CA10: variants seen among roughly 807,000 people sequenced by gnomAD.
The protein encoded by CA10 is carbonic anhydrase-related protein 10.
Under a neutral mutation model 44.2 loss-of-function variants are expected in CA10, and 14 were observed. The ratio of observed to expected loss-of-function variants is 0.32; its 90% CI spans 0.21 to 0.50. The LOEUF is 0.50. CA10 is among the 20% of genes least tolerant of loss of function. The probability of loss-of-function intolerance (pLI) is 0.99; values close to 1 mark genes in which losing one functional copy is unlikely to be tolerated. For missense variants in CA10, 350 were observed against 409.7 expected (o/e 0.85, Z 1.26); for synonymous variants, 159 against 141.6 (o/e 1.12, Z -0.87).
Position 51,881,522 on chromosome 17 carries a change from C to G in CA10, c.279+49468G>C, listed in dbSNP as rs534351041. On this transcript the variant is annotated intron_variant, in intron 3 of 8. Transcript: ENST00000451037. ...ATAAAAAAGAAAAAATTTGCAACACCTAAAACATAAGAATGGTTAATATTC... is the reference window on the plus strand; with the variant it reads ...ATAAAAAAGAAAAAATTTGCAACACGTAAAACATAAGAATGGTTAATATTC... Among the ~76,000 whole-genome samples, 6 of 151,756 alleles carry G rather than the reference C, an allele frequency of 4.0e-5. No individual in the cohort carries two copies. In the East Asian group the frequency reaches 1.2e-3, roughly 29 times the overall value.
chr17:52,006,065 A>G (rs1985586883), intron 2 of CA10, among the ~76,000 whole-genome samples: 1 of 151,896 alleles, frequency 6.6e-6, no homozygotes, highest in Non-Finnish European at 1.5e-5. Context: ...TGAGATGGCC[A>G]AAGAGAGATG....
chr17:51,859,090 AATT>A (rs1268988016), intron 3 of CA10, among the ~76,000 whole-genome samples: 2 of 152,112 alleles, frequency 1.3e-5, no homozygotes, highest in African/African-American at 4.8e-5. Context: ...TAAGCTAGTT[AATT>A]ATAATTAGTT....
intron 3 of CA10, among the ~76,000 whole-genome samples, chr17:51,797,042 ATCTGCCAGCTGTT>A (rs1906736727): frequency 6.6e-6 from 1 of 151,800 alleles, no homozygotes; most frequent in Non-Finnish European, 1.5e-5. Context: ...GCCACAGACC[ATCTGCCAGCTGTT>A]TCTGCCAGAA....
chr17:51,666,718 A>G (rs1382831923), intron 4 of CA10, among the ~76,000 whole-genome samples: 1 of 152,238 alleles, frequency 6.6e-6, no homozygotes, highest in Non-Finnish European at 1.5e-5. Flanking sequence ...CTGAGTATTA[A>G]TATTTTAACT....
intron 2 of CA10, among the ~76,000 whole-genome samples, chr17:51,934,675 C>T (rs1982793585): frequency 1.3e-5 from 2 of 152,204 alleles, no homozygotes; most frequent in Non-Finnish European, 2.9e-5. Flanking sequence ...GTCCCATCTG[C>T]AGGCCTCTGA....
chr17:51,795,411 A>G (rs528236403), intron 3 of CA10, among the ~76,000 whole-genome samples: 1 of 152,012 alleles, frequency 6.6e-6, no homozygotes, highest in Admixed American at 6.5e-5. Flanking sequence ...ATTTTGGAAG[A>G]GCTTTTTAGC....
intron 3 of CA10, among the ~76,000 whole-genome samples, chr17:51,853,998 C>T (rs1232239543): frequency 6.6e-6 from 1 of 152,130 alleles, no homozygotes; most frequent in Non-Finnish European, 1.5e-5. Flanking sequence ...ATACATCTGG[C>T]CTTGGTGACC....
intron 1 of CA10, among the ~76,000 whole-genome samples, chr17:52,129,744 A>G (rs1485340764): frequency 1.3e-5 from 2 of 152,198 alleles, no homozygotes; most frequent in Non-Finnish European, 2.9e-5. Context: ...CTCTATCATC[A>G]TCTCAAGACT....
chr17:52,003,643 G>A (rs1051323142), intron 2 of CA10, among the ~76,000 whole-genome samples: 7 of 151,874 alleles, frequency 4.6e-5, no homozygotes, highest in African/African-American at 9.7e-5. Flanking sequence ...CAATGATACT[G>A]GAGTAGGAGA....
chr17:51,704,807 A>G (rs1410473679), intron 4 of CA10, among the ~76,000 whole-genome samples: 1 of 152,136 alleles, frequency 6.6e-6, no homozygotes, highest in African/African-American at 2.4e-5. Context: ...TGCTAAAAAT[A>G]CAAAAATTAG....
rs201244901 is a variant in CA10, at chr17:51,853,169, AAGAG to A, written c.279+77817_279+77820del. 3.7e-4 allele frequency among the ~76,000 whole-genome samples: 57 copies of A among 152,346 alleles called. No individual in the cohort carries two copies. In the East Asian group the frequency reaches 8.7e-3, roughly 23 times the overall value. On this transcript the variant is annotated intron_variant, in intron 3 of 8. Transcript: ENST00000451037. ...ATAAATTATATTTGTTGTTTAATAA[AAGAG>A]AGAATATTTTTAAAGTCCCAATGAT...
Position 52,157,783 on chromosome 17 carries a change from C to T in CA10, c.4G>A (p.Glu2Lys). ...AGAAAAAGCACCTCCCAGACTATTT[C>T]CATCCTCTGATTCTCATTCCAAGTG... The part of the protein sequence containing the change: M[E>K]IVWEVLFLLQ... The change falls in exon 1 of 9, where the codon GAA becomes AAA. Residue 2 changes from glutamate to lysine, a missense_variant. By Grantham distance (56) the Glu-to-Lys change is moderately conservative (BLOSUM62 1). Coordinates refer to ENST00000451037, the MANE Select transcript of CA10 (RefSeq NM_020178.5). The T allele has an allele frequency of 6.2e-7, 1 of 1,613,872 alleles. No homozygotes were observed. Among genetic ancestry groups the T allele is most frequent in the Non-Finnish European group, 8.5e-7 (1 of 1,179,762 alleles).
chr17:52,084,750 A>G (rs2143187008), intron 1 of CA10, among the ~76,000 whole-genome samples: 1 of 152,294 alleles, frequency 6.6e-6, no homozygotes, highest in Non-Finnish European at 1.5e-5. Flanking sequence ...CCCAATATTT[A>G]TTTCCCCTTC....
At chr17:51,816,844 G>A (rs1056987980) in intron 3 of CA10, among the ~76,000 whole-genome samples, 7 of 152,112 alleles carry the variant, frequency 4.6e-5, no homozygotes, top group African/African-American at 1.7e-4. Context: ...GAGGACCACG[G>A]CACAAAAATA....
Position 51,653,644 on chromosome 17 carries a change from T to C in CA10, c.558A>G (p.Ile186Met). ...PNGLVVVSIF[I>M]KVSDSSNPFL... ...TGAAGGAATGCAAGAGACTTACTTT[T>C]ATAAATATAGAAACTACCACCAATC... Residue 186 changes from isoleucine to methionine, a missense_variant, in exon 5 of 9, where the codon ATA becomes ATG. Physicochemically the swap from Ile to Met is conservative, Grantham distance 10. Coordinates refer to ENST00000451037, the MANE Select transcript of CA10 (RefSeq NM_020178.5). 8 of 1,531,064 alleles carry C rather than the reference T, an allele frequency of 5.2e-6. No individual in the cohort carries two copies. The highest frequency in any genetic ancestry group is 7.2e-6 in the Non-Finnish European group (8 of 1,104,228). 94.8% of individuals were successfully genotyped at this position (1,531,064 alleles called of 1,614,324 possible). A position where few individuals can be genotyped will look rare whatever the true frequency, so the allele number is the denominator to read the frequency against.
intron 2 of CA10, among the ~76,000 whole-genome samples, chr17:52,071,660 C>T (rs1175860049): frequency 6.6e-6 from 1 of 152,220 alleles, no homozygotes; most frequent in Admixed American, 6.5e-5. Context: ...TGTCACCTGC[C>T]TTCCCTTCTA....
chr17:51,835,618 G>A (rs1477357402), intron 3 of CA10, among the ~76,000 whole-genome samples: 2 of 152,182 alleles, frequency 1.3e-5, no homozygotes, highest in African/African-American at 4.8e-5. Flanking sequence ...CATTCACATT[G>A]TACCTCCTTG....
At chr17:51,993,026 T>C (rs919230824) in intron 2 of CA10, among the ~76,000 whole-genome samples, 1 of 152,136 alleles carries the variant, frequency 6.6e-6, no homozygotes, top group African/African-American at 2.4e-5. Context: ...CATACACTAA[T>C]TAAACATTTT....
At chr17:51,838,186 C>A (rs1978293401) in intron 3 of CA10, among the ~76,000 whole-genome samples, 1 of 152,156 alleles carries the variant, frequency 6.6e-6, no homozygotes, top group South Asian at 2.1e-4. Context: ...TGATTTACCT[C>A]TAAGTCAACA....
Sources: gnomAD v4.1 joint callset for allele counts (sites outside exome capture counted in the v4.1 genomes callset) on GRCh38, gnomAD v4.1.1 for gene constraint, MANE v1.5 for transcripts, NCBI Gene and HGNC (gene_info 2026-07-23, HGNC 2026-07-21) for gene names.